ABHD12B: variants seen among roughly 807,000 people sequenced by gnomAD.
ABHD12B encodes protein ABHD12B.
Under a neutral mutation model 50.4 loss-of-function variants are expected in ABHD12B, and 42 were observed. That is an observed-to-expected ratio of 0.83 (90% confidence interval 0.65 to 1.08). The LOEUF is 1.08. Among genes scored for constraint, ABHD12B ranks in the 50% least tolerant of loss-of-function variants. The pLI is 0.00. For synonymous variants in ABHD12B, 167 were observed against 160.3 expected (o/e 1.04, Z -0.32); for missense variants, 479 against 447.7 (o/e 1.07, Z -0.63).
intron 9 of ABHD12B, among the ~76,000 whole-genome samples, chr14:50,894,865 C>CTCCTCGCCAGGCT (rs2050173494): frequency 6.7e-6 from 1 of 148,252 alleles, no homozygotes; most frequent in Non-Finnish European, 1.5e-5. Context: ...CTCGCCAGGC[C>CTCCTCGCCAGGCT]GAGCTAGGCC....
At chr14:50,886,991 G>A (rs1395670918) in intron 8 of ABHD12B, among the ~76,000 whole-genome samples, 1 of 151,910 alleles carries the variant, frequency 6.6e-6, no homozygotes, top group African/African-American at 2.4e-5. Flanking sequence ...TGAGGTGGGT[G>A]GATCACGAGG....
intron 9 of ABHD12B, 75 bp downstream of exon 9, chr14:50,888,978 T>A: frequency 8.7e-7 from 1 of 1,154,344 alleles, no homozygotes; most frequent in Non-Finnish European, 1.3e-6. Context: ...TCTACACATG[T>A]ATGTTTATTA....
chr14:50,880,534 C>T lies in ABHD12B; in HGVS notation c.418C>T (p.Pro140Ser), dbSNP rs774373488. The T allele has an allele frequency of 3.1e-6, 5 of 1,606,226 alleles. No individual in the cohort carries two copies. The South Asian group carries it at 4.4e-5, about 14-fold the overall frequency. ...TGAAGCAGCCCTTCGTGATGGGAAC[C>T]CAATTATTGTTTATCTTCATGGCAG... ...WYEAALRDGN[P>S]IIVYLHGSAE... The change falls in exon 4 of 13, where the codon CCA becomes TCA. Residue 140 changes from proline to serine, a missense_variant. Transcript: ENST00000337334.
At chr14:50,902,903 C>A (rs2142775110) in intron 10 of ABHD12B, among the ~76,000 whole-genome samples, 1 of 152,304 alleles carries the variant, frequency 6.6e-6, no homozygotes, top group African/African-American at 2.4e-5. Flanking sequence ...AACTGCACGT[C>A]CATCCTCTAC....
intron 3 of ABHD12B, among the ~76,000 whole-genome samples, chr14:50,880,111 T>C (rs1205133774): frequency 6.6e-6 from 1 of 152,206 alleles, no homozygotes; most frequent in East Asian, 1.9e-4. Flanking sequence ...ATGGTAAACA[T>C]CTATTATCTT....
intron 1 of ABHD12B, 126 bp from the exon 2 acceptor site, chr14:50,877,826 C>T: frequency 1.1e-6 from 1 of 950,266 alleles, no homozygotes. Flanking sequence ...GAGAACATGC[C>T]ATTGCACTCC....
In ABHD12B at chr14:50,904,087, C is replaced by T; in HGVS notation, c.956C>T (p.Ala319Val). ...LEYGKKLYEI[A>V]RNAYRNKERV... ...TGTCGCTTGCAGCTCTATGAAATTG[C>T]ACGCAATGCATACAGGAACAAAGAG... The change falls in exon 12 of 13, where the codon GCA (alanine) becomes GTA (valine). Residue 319 changes from alanine to valine, a missense_variant. Transcript: ENST00000337334. 1.2e-6 allele frequency: 2 copies of T among 1,612,958 alleles called. No individual in the cohort carries two copies. Among genetic ancestry groups the T allele is most frequent in the Non-Finnish European group, 1.7e-6 (2 of 1,179,458 alleles).
rs1222287648 is a variant in ABHD12B at position 50,880,551 on chromosome 14, T to C, written c.435T>C (p.Leu145=). ...LRDGNPIIVY[L]HGSAEHRAAS... is the part of the protein sequence containing the mutation. The stretch of plus-strand genomic sequence containing the variant: ...ATGGGAACCCAATTATTGTTTATCT[T>C]CATGGCAGTGCAGAACACAGGTCAG... Residue 145 remains leucine, a synonymous_variant, in exon 4 of 13, where the codon CTT becomes CTC. Coordinates refer to ENST00000337334, the MANE Select transcript of ABHD12B (RefSeq NM_001206673.2). The C allele has an allele frequency of 6.2e-7, 1 of 1,604,334 alleles. No individual in the cohort carries two copies. Among genetic ancestry groups the C allele is most frequent in the Admixed American group, 1.7e-5 (1 of 58,980 alleles).
chr14:50,901,929 A>T lies in ABHD12B; in HGVS notation c.863+18A>T. ...GATGAAAAGTAAGTTAATGATGAAA[A>T]GACATGCATTATTACTGTATCTAAA... On this transcript the variant is annotated intron_variant, in intron 10 of 12. Coordinates refer to ENST00000337334, the MANE Select transcript of ABHD12B (RefSeq NM_001206673.2). The T allele has an allele frequency of 6.5e-7, 1 of 1,535,070 alleles. No homozygotes were observed. Among genetic ancestry groups the T allele is most frequent in the South Asian group, 1.2e-5 (1 of 83,928 alleles).
chr14:50,904,413 A>C lies in ABHD12B; in HGVS notation c.*47A>C, dbSNP rs1489103004. 1.2e-6 allele frequency: 2 copies of C among 1,610,724 alleles called. No individual in the cohort carries two copies. Among genetic ancestry groups the C allele is most frequent in the Admixed American group, 3.3e-5 (2 of 60,012 alleles). On this transcript the variant is annotated 3_prime_UTR_variant, in exon 13 of 13. Transcript: ENST00000337334. ...TCAATGAAGACTTGGCCCAAACACC[A>C]CCTGTGATGTATATTGTTCTAATGT...
intron 5 of ABHD12B, among the ~76,000 whole-genome samples, chr14:50,882,245 A>G (rs2049963591): frequency 6.8e-6 from 1 of 147,474 alleles, no homozygotes; most frequent in African/African-American, 2.5e-5. Context: ...TGACGTTTTT[A>G]TTTGCTTTCT....
At chr14:50,892,187 T>C (rs2050128666) in intron 9 of ABHD12B, 2 of 152,842 alleles carry the variant, frequency 1.3e-5, no homozygotes, top group Non-Finnish European at 2.9e-5. Flanking sequence ...TTATTATTTA[T>C]TTATTTAATT....
At chr14:50,875,285 G>T (rs1489609670) in intron 1 of ABHD12B, among the ~76,000 whole-genome samples, 1 of 152,230 alleles carries the variant, frequency 6.6e-6, no homozygotes, top group African/African-American at 2.4e-5. Flanking sequence ...TTGGTTGGGA[G>T]GATGTCTCCC....
chr14:50,880,326 A>G, intron 3 of ABHD12B, 126 bp from the exon 4 acceptor site: 1 of 1,014,054 alleles, frequency 9.9e-7, no homozygotes, highest in South Asian at 3.9e-5. Context: ...TATTTTTGCC[A>G]TGTGCATATA....
chr14:50,882,469 T>C (rs1048824425), intron 5 of ABHD12B, among the ~76,000 whole-genome samples: 1 of 139,834 alleles, frequency 7.2e-6, no homozygotes, highest in Admixed American at 7.9e-5. Flanking sequence ...CTCCGCCTCC[T>C]GGGTTCATGC....
At chr14:50,878,919 CTG>C (rs1175668519) in intron 3 of ABHD12B, 72 bp downstream of exon 3, 19 of 1,240,704 alleles carry the variant, frequency 1.5e-5, no homozygotes, top group Non-Finnish European at 2.1e-5. Context: ...AGGAGCAGTG[CTG>C]TGTTACCTGC....
chr14:50,893,119 T>C (rs1232361146), intron 9 of ABHD12B: 1 of 152,254 alleles, frequency 6.6e-6, no homozygotes, highest in Non-Finnish European at 1.5e-5. Context: ...TGCAGTGTTC[T>C]ATGTACGTCG....
At chr14:50,882,477 T>C (rs1350166236) in intron 5 of ABHD12B, among the ~76,000 whole-genome samples, 7 of 145,652 alleles carry the variant, frequency 4.8e-5, no homozygotes, top group African/African-American at 1.3e-4. Context: ...CCTGGGTTCA[T>C]GCCATTCTTC....
intron 9 of ABHD12B, among the ~76,000 whole-genome samples, chr14:50,890,619 A>G (rs2050104443): frequency 6.6e-6 from 1 of 152,150 alleles, no homozygotes. Flanking sequence ...GATTGTATTC[A>G]TGATGTGCAT....
Sources: gnomAD v4.1 joint callset for allele counts (sites outside exome capture counted in the v4.1 genomes callset) on GRCh38, gnomAD v4.1.1 for gene constraint, MANE v1.5 for transcripts, NCBI Gene and HGNC (gene_info 2026-07-23, HGNC 2026-07-21) for gene names.